STXBP4: variants seen among roughly 807,000 people sequenced by gnomAD.
STXBP4 encodes syntaxin-binding protein 4.
STXBP4 carries 55 observed loss-of-function variants against 76.1 expected under a neutral mutation model. The observed-to-expected ratio is 0.72, with a 90% CI of 0.58 to 0.91. The LOEUF is 0.91. Among genes scored for constraint, STXBP4 ranks in the 40% least tolerant of loss-of-function variants. The pLI is 0.00. For missense variants in STXBP4, 618 were observed against 636.9 expected (o/e 0.97, Z 0.32); for synonymous variants, 201 against 220.2 (o/e 0.91, Z 0.77).
chr17:55,193,833 AAC>A, the STXBP4 span, among the ~76,000 whole-genome samples: 1 of 151,308 alleles, frequency 6.6e-6, no homozygotes, highest in African/African-American at 2.4e-5. Flanking sequence ...AAAAAAAAAA[AAC>A]GTAATTAATT....
the STXBP4 span, among the ~76,000 whole-genome samples, chr17:55,180,104 A>G: frequency 6.6e-6 from 1 of 152,148 alleles, no homozygotes; most frequent in Non-Finnish European, 1.5e-5. Flanking sequence ...ACCTTGAGCT[A>G]AATACTCATC....
chr17:55,157,797 A>G (rs1280268424), intron 17 of STXBP4, among the ~76,000 whole-genome samples: 3 of 152,220 alleles, frequency 2.0e-5, no homozygotes, highest in Non-Finnish European at 2.9e-5. Context: ...GGAACTTACC[A>G]TTTGTACTAC....
chr17:55,146,612 G>A (rs146728442), intron 17 of STXBP4, among the ~76,000 whole-genome samples: 1 of 152,136 alleles, frequency 6.6e-6, no homozygotes, highest in Admixed American at 6.5e-5. Flanking sequence ...AGCTACTCTG[G>A]AGGCTGAGGC....
At chr17:54,986,379 C>T (rs1024327844) in intron 3 of STXBP4, 113 bp downstream of exon 3, 15 of 724,534 alleles carry the variant, frequency 2.1e-5, no homozygotes, top group East Asian at 5.5e-5. Flanking sequence ...TCTAGGATAG[C>T]AGCAATGAGT....
At chr17:55,051,333 CAA>C (rs2078856019) in intron 12 of STXBP4, among the ~76,000 whole-genome samples, 1 of 151,826 alleles carries the variant, frequency 6.6e-6, no homozygotes, top group South Asian at 2.1e-4. Flanking sequence ...GGAAAAAAAA[CAA>C]AGATAGAACC....
In STXBP4 at chr17:54,988,310, C is replaced by A. The variant is rs371453596; in HGVS notation, c.47+2044C>A. ...AGAAAAGTAAGATCCTATACTGAAACAATAATATATGCTGGAGATTGTTTG... is the reference window on the plus strand; with the variant it reads ...AGAAAAGTAAGATCCTATACTGAAAAAATAATATATGCTGGAGATTGTTTG... On this transcript the variant is annotated intron_variant, in intron 3 of 17. Coordinates refer to ENST00000376352, the MANE Select transcript of STXBP4 (RefSeq NM_178509.6). 1.5e-3 allele frequency among the ~76,000 whole-genome samples: 222 copies of A among 152,248 alleles called. 7 individuals carry two copies. The South Asian group carries it at 0.045, about 31-fold the overall frequency.
At position 55,169,281 on chromosome 17, in the gene STXBP4, G is replaced by A. The variant is rs1268207315; in HGVS notation, c.*9370G>A. The A allele has an allele frequency of 6.8e-6, 1 of 146,548 alleles. No individual in the cohort carries two copies. The highest frequency in any genetic ancestry group is 2.5e-5 in the African/African-American group (1 of 39,570). The allele number at this position is 146,548 out of a possible 1,614,324, so 9.1% of individuals were successfully genotyped here. On this transcript the variant is annotated 3_prime_UTR_variant, in exon 18 of 18. Coordinates refer to ENST00000376352, the MANE Select transcript of STXBP4 (RefSeq NM_178509.6). ...TTCACTCCCACGGGAGAGCCCTAGAGACAAAAAGGTTCTACAGTAGGTTCA... is the reference window on the plus strand; with the variant it reads ...TTCACTCCCACGGGAGAGCCCTAGAAACAAAAAGGTTCTACAGTAGGTTCA...
At chr17:55,059,863 G>T (rs1312999031) in intron 12 of STXBP4, among the ~76,000 whole-genome samples, 1 of 152,104 alleles carries the variant, frequency 6.6e-6, no homozygotes, top group African/African-American at 2.4e-5. Flanking sequence ...AAGACACCAT[G>T]AGGATAAAGT....
At chr17:55,095,418 C>T (rs972940981) in intron 16 of STXBP4, among the ~76,000 whole-genome samples, 9 of 152,262 alleles carry the variant, frequency 5.9e-5, no homozygotes, top group Non-Finnish European at 1.2e-4. Flanking sequence ...CTCTTCCAAA[C>T]TGAATGCCTT....
chr17:55,152,344 A>G (rs1227351328), intron 17 of STXBP4, among the ~76,000 whole-genome samples: 1 of 152,212 alleles, frequency 6.6e-6, no homozygotes, highest in African/African-American at 2.4e-5. Context: ...TGTAAAAAAT[A>G]TGACTGCTGG....
At chr17:55,183,701 C>T in the STXBP4 span, among the ~76,000 whole-genome samples, 4 of 152,040 alleles carry the variant, frequency 2.6e-5, no homozygotes, top group South Asian at 8.3e-4. Flanking sequence ...AAGAGATATA[C>T]AGTGCAAAGA....
intron 8 of STXBP4, among the ~76,000 whole-genome samples, chr17:55,010,795 C>A (rs2078096868): frequency 6.6e-6 from 1 of 152,104 alleles, no homozygotes; most frequent in Admixed American, 6.5e-5. Flanking sequence ...TTGTATTAGG[C>A]TGAAAGGTGT....
chr17:55,054,524 A>G (rs2078901276), intron 12 of STXBP4, among the ~76,000 whole-genome samples: 1 of 152,114 alleles, frequency 6.6e-6, no homozygotes, highest in South Asian at 2.1e-4. Flanking sequence ...GAATTGGCCT[A>G]AGGATAAGTG....
intron 13 of STXBP4, among the ~76,000 whole-genome samples, chr17:55,076,689 C>A (rs543085538): frequency 2.3e-4 from 35 of 152,260 alleles, no homozygotes; most frequent in African/African-American, 8.2e-4. Flanking sequence ...AGAGCAATGT[C>A]TTCTGCCATT....
intron 12 of STXBP4, among the ~76,000 whole-genome samples, chr17:55,063,598 C>T (rs189046750): frequency 3.3e-5 from 5 of 152,214 alleles, no homozygotes; most frequent in South Asian, 2.1e-4. Context: ...TTTCTAAATG[C>T]GTGCTTTATA....
chr17:55,207,208 C>T, the STXBP4 span, among the ~76,000 whole-genome samples: 3 of 152,190 alleles, frequency 2.0e-5, no homozygotes, highest in South Asian at 6.2e-4. Context: ...ACTGCTGACT[C>T]TCCCCAGGAT....
intron 16 of STXBP4, among the ~76,000 whole-genome samples, chr17:55,082,829 T>C (rs985945309): frequency 1.3e-5 from 2 of 152,124 alleles, no homozygotes; most frequent in Non-Finnish European, 2.9e-5. Flanking sequence ...AGAAAAAAAG[T>C]CTTTAATTAA....
At chr17:55,086,194 T>C (rs1480328330) in intron 16 of STXBP4, among the ~76,000 whole-genome samples, 1 of 152,164 alleles carries the variant, frequency 6.6e-6, no homozygotes, top group Admixed American at 6.5e-5. Context: ...CCAATGATAC[T>C]CAGTAATTTC....
At chr17:55,212,120 G>A in the STXBP4 span, among the ~76,000 whole-genome samples, 83,186 of 151,806 alleles carry the variant, frequency 0.55, 23,842 homozygotes, top group Non-Finnish European at 0.63. Context: ...GCGCCCTGCC[G>A]GGGAATGCTG....
Sources: allele counts gnomAD v4.1 joint callset (sites outside exome capture counted in the v4.1 genomes callset), GRCh38; gene constraint gnomAD v4.1.1; transcripts MANE v1.5; gene names NCBI Gene and HGNC (gene_info 2026-07-23, HGNC 2026-07-21).